The following TDRP variants were observed in gnomAD, a reference collection of about 807,000 sequenced individuals.
TDRP encodes testis development-related protein.
In TDRP, 12 loss-of-function variants were observed where a neutral mutation model predicts 10.5. The observed-to-expected ratio is 1.15, with a 90% CI of 0.73 to 1.86. TDRP has a LOEUF of 1.86. Ranked by LOEUF, TDRP falls within the 40% of genes most tolerant of loss-of-function variation. The probability of loss-of-function intolerance (pLI) is 0.00; values close to 1 mark genes in which losing one functional copy is unlikely to be tolerated. For missense variants in TDRP, 353 were observed against 229.2 expected, an observed-to-expected ratio of 1.54 and a Z score of -3.49; for synonymous variants, 139 against 95.4, an observed-to-expected ratio of 1.46 and a Z score of -2.67.
intron 1 of TDRP, among the ~76,000 whole-genome samples, chr8:544,012 A>G (rs1273882371): frequency 1.3e-5 from 2 of 152,096 alleles, no homozygotes; most frequent in Non-Finnish European, 2.9e-5. Flanking sequence ...TTCTAGACAT[A>G]CCAAACATAT....
At chr8:523,948 C>T (rs915829679) in intron 1 of TDRP, among the ~76,000 whole-genome samples, 3 of 152,240 alleles carry the variant, frequency 2.0e-5, no homozygotes, top group East Asian at 1.9e-4. Flanking sequence ...GGGCCTTTAG[C>T]GAACAAAAGT....
intron 1 of TDRP, among the ~76,000 whole-genome samples, chr8:536,788 C>A (rs1465876390): frequency 1.3e-5 from 2 of 152,100 alleles, no homozygotes; most frequent in Non-Finnish European, 2.9e-5. Flanking sequence ...GCAGGAGCTC[C>A]CCAAGCATCA....
At chr8:517,488 CT>C (rs1291252089) in intron 1 of TDRP, among the ~76,000 whole-genome samples, 2 of 152,184 alleles carry the variant, frequency 1.3e-5, no homozygotes, top group African/African-American at 4.8e-5. Flanking sequence ...CCACAACCTC[CT>C]TTATCTTAAC....
intron 1 of TDRP, among the ~76,000 whole-genome samples, chr8:511,131 C>G (rs756770669): frequency 6.6e-6 from 1 of 152,112 alleles, no homozygotes; most frequent in Admixed American, 6.5e-5. Context: ...AAACCCAACC[C>G]TACTAATTCA....
At chr8:494,644 C>A in intron 1 of TDRP, 47 bp from the exon 2 acceptor site, 7 of 1,531,904 alleles carry the variant, frequency 4.6e-6, no homozygotes, top group Non-Finnish European at 6.3e-6. Flanking sequence ...CATGAATCAA[C>A]AGAATTCCGC....
chr8:520,475 G>T (rs1341451575), intron 1 of TDRP, among the ~76,000 whole-genome samples: 1 of 152,170 alleles, frequency 6.6e-6, no homozygotes, highest in Non-Finnish European at 1.5e-5. Flanking sequence ...AAGTGGGATG[G>T]CTGAAACATA....
chr8:507,551 G>T (rs1337634186), intron 1 of TDRP, among the ~76,000 whole-genome samples: 3 of 152,198 alleles, frequency 2.0e-5, no homozygotes, highest in Non-Finnish European at 4.4e-5. Flanking sequence ...CACGGACAGA[G>T]GAAGAAAGCC....
Position 491,548 on chromosome 8 carries a change from T to A in TDRP, c.*851A>T, listed in dbSNP as rs186219064. On this transcript the variant is annotated 3_prime_UTR_variant, in exon 3 of 3. Transcript: ENST00000324079. ...ATCTCGCTTTGCAAGAACAAACATA[T>A]GAGCCTAATAAAAAAGAGGCACTTC... 2.1e-6 allele frequency: 3 copies of A among 1,429,300 alleles called. No homozygotes were observed. Among genetic ancestry groups the A allele is most frequent in the Middle Eastern group, 1.8e-4 (1 of 5,692 alleles). The allele number at this position is 1,429,300 out of a possible 1,614,324, so 88.5% of individuals were successfully genotyped here. A position where few individuals can be genotyped will look rare whatever the true frequency, so the allele number is the denominator to read the frequency against.
intron 1 of TDRP, among the ~76,000 whole-genome samples, chr8:541,668 A>G (rs898110334): frequency 6.6e-6 from 1 of 152,238 alleles, no homozygotes; most frequent in African/African-American, 2.4e-5. Flanking sequence ...TGCTCATGTC[A>G]TTTATCATCA....
chr8:540,301 G>A (rs1028243984), intron 1 of TDRP, among the ~76,000 whole-genome samples: 7 of 152,106 alleles, frequency 4.6e-5, no homozygotes, highest in Admixed American at 1.3e-4. Context: ...GTACTGAAAC[G>A]GGAAGCACTC....
intron 1 of TDRP, among the ~76,000 whole-genome samples, chr8:501,203 C>T (rs1055150054): frequency 2.0e-5 from 3 of 151,772 alleles, no homozygotes; most frequent in African/African-American, 7.3e-5. Context: ...GAGACTCCAT[C>T]TCAAAAAAAC....
At chr8:525,130 G>A (rs1802003737) in intron 1 of TDRP, among the ~76,000 whole-genome samples, 2 of 152,124 alleles carry the variant, frequency 1.3e-5, no homozygotes, top group African/African-American at 4.8e-5. Context: ...GCTTTTCAGT[G>A]GAAACCTTAC....
chr8:544,739 C>A lies in TDRP; in HGVS notation c.19G>T (p.Gly7Cys). ...GGGGGCTCGTCCAGCAGCACTCGGC[C>A]CCGGCCCAGCTTCCACATGGTCAGG... MWKLGR[G>C]RVLLDEPPEE... Residue 7 changes from glycine (G) to cysteine (C), a missense_variant, in exon 1 of 3, where the codon GGC becomes TGC. Transcript: ENST00000324079. The A allele has an allele frequency of 5.6e-6, 7 of 1,240,168 alleles. No homozygotes were observed. The highest frequency in any genetic ancestry group is 7.1e-6 in the Non-Finnish European group (7 of 990,578). The allele number at this position is 1,240,168 out of a possible 1,614,324, so 76.8% of individuals were successfully genotyped here. A position where few individuals can be genotyped will look rare whatever the true frequency, so the allele number is the denominator to read the frequency against.
chr8:537,031 C>T (rs1802364779), intron 1 of TDRP, among the ~76,000 whole-genome samples: 1 of 152,210 alleles, frequency 6.6e-6, no homozygotes, highest in African/African-American at 2.4e-5. Flanking sequence ...GATCAGCTCC[C>T]CTAAGGCTGG....
rs545424517 is a variant in TDRP, at chr8:538,264, G to T, written c.108+6386C>A. ...GGTGGGCCAAGAACTCAGACATCAA[G>T]GCCAGGGGATGAGGAACTCAATCAG... On this transcript the variant is annotated intron_variant, in intron 1 of 2. Transcript: ENST00000324079. Among the ~76,000 whole-genome samples the T allele has an allele frequency of 2.6e-5, 4 of 152,318 alleles. No individual in the cohort carries two copies. The East Asian group carries it at 7.7e-4, about 29-fold the overall frequency.
chr8:504,612 C>G lies in TDRP; in HGVS notation c.109-10015G>C, dbSNP rs532767973. ...CCGTAAAACCACTCATGTTCAATATCTGCAGTTTTGGGAATAAGAAGTCAG... is the reference window on the plus strand; with the variant it reads ...CCGTAAAACCACTCATGTTCAATATGTGCAGTTTTGGGAATAAGAAGTCAG... On this transcript the variant is annotated intron_variant, in intron 1 of 2. Coordinates refer to ENST00000324079, the MANE Select transcript of TDRP (RefSeq NM_001384899.1). Among the ~76,000 whole-genome samples the G allele has an allele frequency of 3.3e-5, 5 of 152,128 alleles. No homozygotes were observed. In the South Asian group the frequency reaches 8.3e-4, roughly 25 times the overall value.
intron 1 of TDRP, among the ~76,000 whole-genome samples, chr8:523,239 A>G (rs1156919546): frequency 6.6e-6 from 1 of 152,184 alleles, no homozygotes; most frequent in African/African-American, 2.4e-5. Flanking sequence ...AATCTATTTT[A>G]AACTGATAAT....
intron 1 of TDRP, among the ~76,000 whole-genome samples, chr8:520,935 T>G (rs546212471): frequency 5.9e-5 from 9 of 152,200 alleles, no homozygotes; most frequent in Non-Finnish European, 1.3e-4. Flanking sequence ...GTCTTAAATT[T>G]TGATATGCTT....
At chr8:532,842 A>T (rs7822607) in intron 1 of TDRP, among the ~76,000 whole-genome samples, 50,180 of 94,122 alleles carry the variant, frequency 0.53, 10,826 homozygotes, top group African/African-American at 0.68. Context: ...CCCAGCCACG[A>T]TCGTTCATTT....
Sources: allele counts gnomAD v4.1 joint callset (sites outside exome capture counted in the v4.1 genomes callset), GRCh38; gene constraint gnomAD v4.1.1; transcripts MANE v1.5; gene names NCBI Gene and HGNC (gene_info 2026-07-23, HGNC 2026-07-21).